SORCS1: variants seen among roughly 807,000 people sequenced by gnomAD.
SORCS1 encodes VPS10 domain-containing receptor SorCS1.
In SORCS1, 60 loss-of-function variants were observed where a neutral mutation model predicts 146.1. That is an observed-to-expected ratio of 0.41 (90% confidence interval 0.33 to 0.51). The LOEUF (loss-of-function observed/expected upper bound fraction) is 0.51, where lower values mean the gene tolerates loss of function less well. Ranked by LOEUF, SORCS1 falls within the 20% of genes least tolerant of loss-of-function variation. The pLI is 0.21. For synonymous variants in SORCS1, 637 were observed against 584.0 expected, an observed-to-expected ratio of 1.09 and a Z score of -1.31; for missense variants, 1,352 against 1,487.6, an observed-to-expected ratio of 0.91 and a Z score of 1.50.
intron 2 of SORCS1, among the ~76,000 whole-genome samples, chr10:106,857,969 T>C (rs1382091864): frequency 6.6e-6 from 1 of 152,224 alleles, no homozygotes; most frequent in Non-Finnish European, 1.5e-5. Flanking sequence ...CCTAAACATA[T>C]AATTCAAATG....
intron 2 of SORCS1, among the ~76,000 whole-genome samples, chr10:106,901,934 C>G (rs1951723437): frequency 6.6e-6 from 1 of 151,852 alleles, no homozygotes; most frequent in Admixed American, 6.6e-5. Flanking sequence ...GTCCCAGCTA[C>G]TCGGGAGGCT....
intron 23 of SORCS1, among the ~76,000 whole-genome samples, chr10:106,601,968 G>A (rs1328405338): frequency 6.6e-6 from 1 of 152,178 alleles, no homozygotes; most frequent in African/African-American, 2.4e-5. Flanking sequence ...CACAGTGATG[G>A]TTACCACACA....
intron 1 of SORCS1, among the ~76,000 whole-genome samples, chr10:107,140,163 A>G (rs1000629080): frequency 1.3e-5 from 2 of 152,384 alleles, no homozygotes; most frequent in Non-Finnish European, 2.9e-5. Flanking sequence ...AAGAAAATAC[A>G]TGTATATTTA....
intron 9 of SORCS1, among the ~76,000 whole-genome samples, chr10:106,689,194 G>T (rs1564860560): frequency 6.6e-6 from 1 of 152,190 alleles, no homozygotes; most frequent in Non-Finnish European, 1.5e-5. Context: ...TAGGTAAGAA[G>T]TAGTAATTAG....
intron 2 of SORCS1, among the ~76,000 whole-genome samples, chr10:106,889,840 G>A (rs970503057): frequency 3.6e-5 from 5 of 137,896 alleles, no homozygotes; most frequent in Admixed American, 7.1e-5. Context: ...AGCCGAGATC[G>A]CGCCACTGTA....
At chr10:106,922,131 T>C (rs1383379227) in intron 2 of SORCS1, among the ~76,000 whole-genome samples, 1 of 152,258 alleles carries the variant, frequency 6.6e-6, no homozygotes. Flanking sequence ...AAGCTTACAT[T>C]AGAGCTTAGG....
chr10:106,728,339 C>A (rs1197652821), intron 6 of SORCS1, among the ~76,000 whole-genome samples: 23 of 152,098 alleles, frequency 1.5e-4, no homozygotes, highest in Non-Finnish European at 5.9e-5. Flanking sequence ...AGAACTGGAC[C>A]TTGGAATCCA....
chr10:107,065,419 C>CTTTCT (rs1961675021), intron 1 of SORCS1, among the ~76,000 whole-genome samples: 1 of 87,440 alleles, frequency 1.1e-5, no homozygotes, highest in Non-Finnish European at 3.0e-5. Flanking sequence ...TCTTTCTTTT[C>CTTTCT]TTTCTTTCTT....
intron 23 of SORCS1, chr10:106,600,482 A>C: frequency 1.0e-6 from 1 of 983,418 alleles, no homozygotes; most frequent in Non-Finnish European, 1.2e-6. Context: ...GTGCTTTTCT[A>C]CTGAAATGAG....
At chr10:107,119,921 T>C (rs1387323399) in intron 1 of SORCS1, among the ~76,000 whole-genome samples, 1 of 152,132 alleles carries the variant, frequency 6.6e-6, no homozygotes, top group Non-Finnish European at 1.5e-5. Context: ...ACTATCCGTT[T>C]ACAGCCAAGA....
chr10:106,700,393 A>G (rs1854046812), intron 8 of SORCS1, among the ~76,000 whole-genome samples: 1 of 152,152 alleles, frequency 6.6e-6, no homozygotes, highest in Non-Finnish European at 1.5e-5. Flanking sequence ...CCAAGATAGT[A>G]GTCATAAAAC....
intron 1 of SORCS1, among the ~76,000 whole-genome samples, chr10:107,093,597 C>T (rs569798792): frequency 2.1e-4 from 31 of 150,780 alleles, no homozygotes; most frequent in Middle Eastern, 3.4e-3. Flanking sequence ...CGCTTGAACC[C>T]GGGACAAGGA....
At chr10:107,056,502 A>T (rs1564980358) in intron 1 of SORCS1, among the ~76,000 whole-genome samples, 1 of 152,236 alleles carries the variant, frequency 6.6e-6, no homozygotes, top group Non-Finnish European at 1.5e-5. Flanking sequence ...ATGAGGTGTC[A>T]TGTATTCTGG....
chr10:106,646,199 C>A (rs1849417492), intron 18 of SORCS1, among the ~76,000 whole-genome samples: 1 of 151,312 alleles, frequency 6.6e-6, no homozygotes, highest in African/African-American at 2.4e-5. Flanking sequence ...TGGGAGGCGG[C>A]CAAGATCATG....
At chr10:106,729,239 A>C (rs913934444) in intron 6 of SORCS1, among the ~76,000 whole-genome samples, 2 of 152,202 alleles carry the variant, frequency 1.3e-5, no homozygotes, top group African/African-American at 2.4e-5. Context: ...TTATTACTTA[A>C]GCTTTCTATG....
intron 1 of SORCS1, among the ~76,000 whole-genome samples, chr10:107,122,166 C>T (rs2134549739): frequency 6.6e-6 from 1 of 152,314 alleles, no homozygotes. Context: ...AATACCCGTT[C>T]AAATGACATT....
intron 17 of SORCS1, among the ~76,000 whole-genome samples, chr10:106,654,635 T>C (rs1336361097): frequency 2.0e-5 from 3 of 152,176 alleles, no homozygotes; most frequent in African/African-American, 7.2e-5. Context: ...TGCATAATAA[T>C]TGGTTATTAC....
rs1371102003 is a variant in SORCS1, at chr10:107,164,144, G to C, written c.383C>G (p.Pro128Arg). ...AERGEGASRS[P>R]RGVLRDGGQQ... The stretch of plus-strand genomic sequence containing the variant: ...CCCTCCATCTCTTAGCACTCCCCGG[G>C]GGCTCCGACTCGCGCCCTCTCCCCG... The change falls in exon 1 of 26, where the codon CCC (proline) becomes CGC (arginine). Residue 128 changes from proline to arginine, a missense_variant. This residue lies in a region of SORCS1 where 490 missense variants were observed against 489.1 expected (regional missense o/e 1.00). Transcript: ENST00000263054. This position sits in a 1 kb window ranked among gnomAD's most constrained non-coding sequence, Gnocchi z 6.8. The C allele has an allele frequency of 2.5e-6, 4 of 1,613,190 alleles. No individual in the cohort carries two copies. The highest frequency in any genetic ancestry group is 3.4e-6 in the Non-Finnish European group (4 of 1,179,984).
chr10:106,791,081 G>T (rs1197389317), intron 3 of SORCS1, among the ~76,000 whole-genome samples: 1 of 152,026 alleles, frequency 6.6e-6, no homozygotes, highest in East Asian at 1.9e-4. Flanking sequence ...AAATGTTTAT[G>T]GGTGTCAGAA....
Sources: allele counts gnomAD v4.1 joint callset (sites outside exome capture counted in the v4.1 genomes callset), GRCh38; gene constraint gnomAD v4.1.1; regional missense constraint gnomAD v4.1.1; non-coding constraint Gnocchi (gnomAD v3.1); transcripts MANE v1.5; gene names NCBI Gene and HGNC (gene_info 2026-07-23, HGNC 2026-07-21).